CNTN5: variants seen among roughly 807,000 people sequenced by gnomAD.
CNTN5 encodes contactin-5.
CNTN5 carries 77 observed loss-of-function variants against 129.1 expected under a neutral mutation model. The observed-to-expected ratio is 0.60, with a 90% confidence interval of 0.50 to 0.72. CNTN5 has a LOEUF of 0.72. CNTN5 is among the 30% of genes least tolerant of loss of function. The pLI is 0.00. For synonymous variants in CNTN5, 509 were observed against 465.6 expected (o/e 1.09, Z -1.20); for missense variants, 1,478 against 1,328.8 (o/e 1.11, Z -1.75).
chr11:99,800,665 T>C (rs1301835), intron 3 of CNTN5, among the ~76,000 whole-genome samples: 88,128 of 151,948 alleles, frequency 0.58, 26,329 homozygotes, highest in East Asian at 0.72. Flanking sequence ...AATTGAACTT[T>C]TTATCATTAT....
intron 16 of CNTN5, among the ~76,000 whole-genome samples, chr11:100,238,507 G>T (rs1413216287): frequency 5.5e-5 from 8 of 145,958 alleles, no homozygotes; most frequent in Non-Finnish European, 9.0e-5. Flanking sequence ...AGGAGGAGGA[G>T]AAGGGGGAAG....
rs570494341 is a variant in CNTN5 at position 99,281,689 on chromosome 11, A to G, written c.-209-43657A>G. ...CTTCTTTTGCTGGGTTGTTTACTTT[A>G]TTTCAATATATAATCATATTTTATT... On this transcript the variant is annotated intron_variant, in intron 1 of 24. Coordinates refer to ENST00000524871, the MANE Select transcript of CNTN5 (RefSeq NM_014361.4). Among the ~76,000 whole-genome samples, 78 of 152,016 alleles carry G rather than the reference A, an allele frequency of 5.1e-4. 2 individuals are homozygous for G. The highest frequency in any genetic ancestry group is 3.5e-4 in the Non-Finnish European group (24 of 67,948).
intron 3 of CNTN5, among the ~76,000 whole-genome samples, chr11:99,608,102 A>T (rs1399270071): frequency 9.5e-5 from 1 of 10,566 alleles, no homozygotes; most frequent in Non-Finnish European, 2.0e-4. Context: ...GAGTATAATA[A>T]AAAAAAAAAA....
At chr11:99,896,378 G>C (rs929748323) in intron 6 of CNTN5, among the ~76,000 whole-genome samples, 48 of 152,150 alleles carry the variant, frequency 3.2e-4, no homozygotes, top group African/African-American at 9.7e-4. Context: ...AGCTGCTGCT[G>C]TCTCTGCACA....
chr11:100,273,854 A>T (rs1008709004), intron 18 of CNTN5, among the ~76,000 whole-genome samples: 2 of 152,228 alleles, frequency 1.3e-5, no homozygotes, highest in Non-Finnish European at 2.9e-5. Context: ...GACATTCTTC[A>T]CTGAACTACT....
At chr11:99,200,969 G>C (rs963870365) in intron 1 of CNTN5, among the ~76,000 whole-genome samples, 1 of 146,198 alleles carries the variant, frequency 6.8e-6, no homozygotes, top group African/African-American at 2.5e-5. Flanking sequence ...CAACAAAAAA[G>C]TCTATTTATA....
chr11:99,083,500 A>C (rs111560472), intron 1 of CNTN5, among the ~76,000 whole-genome samples: 7 of 152,330 alleles, frequency 4.6e-5, no homozygotes, highest in Middle Eastern at 3.4e-3. Context: ...GCCAGTGATC[A>C]CTGCAAATCT....
chr11:99,683,283 C>A (rs1200256518), intron 3 of CNTN5, among the ~76,000 whole-genome samples: 1 of 151,874 alleles, frequency 6.6e-6, no homozygotes, highest in East Asian at 1.9e-4. Flanking sequence ...CCACCTTGCA[C>A]TTTTTCATCT....
At chr11:99,422,987 G>T (rs760696817) in intron 2 of CNTN5, among the ~76,000 whole-genome samples, 1 of 152,096 alleles carries the variant, frequency 6.6e-6, no homozygotes, top group African/African-American at 2.4e-5. Context: ...AAACATTTTC[G>T]TTATTGAATA....
At chr11:99,997,315 T>G (rs1939520678) in intron 8 of CNTN5, among the ~76,000 whole-genome samples, 1 of 152,216 alleles carries the variant, frequency 6.6e-6, no homozygotes, top group Admixed American at 6.5e-5. Context: ...TTCTAGTTAT[T>G]TTAATTGTGA....
At chr11:100,267,398 A>G (rs1354583046) in intron 17 of CNTN5, among the ~76,000 whole-genome samples, 8 of 152,102 alleles carry the variant, frequency 5.3e-5, no homozygotes, top group African/African-American at 1.9e-4. Flanking sequence ...TAGAAGCTCT[A>G]TCACCAAATG....
At chr11:99,081,682 C>T (rs957305333) in intron 1 of CNTN5, among the ~76,000 whole-genome samples, 1 of 152,148 alleles carries the variant, frequency 6.6e-6, no homozygotes, top group African/African-American at 2.4e-5. Context: ...TTCTATAAAT[C>T]AGGTTTCCTT....
chr11:100,182,006 A>C (rs533531508), intron 13 of CNTN5, among the ~76,000 whole-genome samples: 7 of 152,212 alleles, frequency 4.6e-5, no homozygotes, highest in African/African-American at 1.7e-4. Flanking sequence ...CAGCCAAAAC[A>C]ATTTGAAAAG....
chr11:99,450,609 G>T (rs1436847190), intron 2 of CNTN5, among the ~76,000 whole-genome samples: 1 of 152,074 alleles, frequency 6.6e-6, no homozygotes, highest in African/African-American at 2.4e-5. Context: ...GAAAGAGTTA[G>T]AATTCAAACC....
chr11:100,135,658 GT>G (rs1946499515), intron 13 of CNTN5, among the ~76,000 whole-genome samples: 1 of 151,948 alleles, frequency 6.6e-6, no homozygotes, highest in Non-Finnish European at 1.5e-5. Flanking sequence ...AATATGACGA[GT>G]TTTCTTACAC....
intron 1 of CNTN5, among the ~76,000 whole-genome samples, chr11:99,224,139 TG>T (rs144228475): frequency 0.014 from 2,104 of 152,298 alleles, 53 homozygotes; most frequent in African/African-American, 0.048. Flanking sequence ...CTGCAGATAA[TG>T]TAATAGAAAT....
chr11:99,435,454 G>A (rs1416386092), intron 2 of CNTN5, among the ~76,000 whole-genome samples: 2 of 152,158 alleles, frequency 1.3e-5, no homozygotes, highest in Non-Finnish European at 2.9e-5. Flanking sequence ...AGCAGTGACA[G>A]GGAGAGCTCA....
intron 1 of CNTN5, among the ~76,000 whole-genome samples, chr11:99,022,467 T>G (rs567203109): frequency 1.3e-5 from 2 of 152,294 alleles, no homozygotes; most frequent in South Asian, 4.1e-4. Flanking sequence ...TAGTCAATTT[T>G]GAGCAATTCT....
intron 9 of CNTN5, among the ~76,000 whole-genome samples, chr11:100,044,169 T>C (rs75019866): frequency 0.31 from 13,853 of 44,592 alleles, 812 homozygotes; most frequent in East Asian, 0.54. Flanking sequence ...TTACATATCA[T>C]GTATATATAT....
Sources: allele counts gnomAD v4.1 joint callset (sites outside exome capture counted in the v4.1 genomes callset), GRCh38; gene constraint gnomAD v4.1.1; transcripts MANE v1.5; gene names NCBI Gene and HGNC (gene_info 2026-07-23, HGNC 2026-07-21).